LRP1B: variants seen among roughly 807,000 people sequenced by gnomAD.
LRP1B encodes LDL receptor related protein 1B.
A neutral mutation model predicts 556.6 loss-of-function variants in LRP1B; 217 were observed. That is an observed-to-expected ratio of 0.39 (90% CI 0.35 to 0.44). The LOEUF (loss-of-function observed/expected upper bound fraction) is 0.44. LRP1B is among the 20% of genes least tolerant of loss of function. The pLI is 1.00. For synonymous variants in LRP1B, 2,047 were observed against 1,865.8 expected, an observed-to-expected ratio of 1.10 and a Z score of -2.50; for missense variants, 5,053 against 5,620.8, an observed-to-expected ratio of 0.90 and a Z score of 3.23.
intron 2 of LRP1B, among the ~76,000 whole-genome samples, chr2:141,492,853 G>C (rs1326022414): frequency 6.6e-6 from 1 of 152,114 alleles, no homozygotes; most frequent in Non-Finnish European, 1.5e-5. Flanking sequence ...CAGACCCAAA[G>C]TGAATGTTGT....
intron 2 of LRP1B, among the ~76,000 whole-genome samples, chr2:141,804,643 G>T (rs373445670): frequency 6.6e-6 from 1 of 151,988 alleles, no homozygotes; most frequent in South Asian, 2.1e-4. Flanking sequence ...CCGAGAGGGG[G>T]CAGTTAGATT....
In LRP1B at chr2:141,107,813, G is replaced by T. The variant is rs1700644027; in HGVS notation, c.1014-45540C>A. 2.0e-5 allele frequency among the ~76,000 whole-genome samples: 3 copies of T among 152,040 alleles called. No individual in the cohort carries two copies. In the South Asian group the frequency reaches 6.2e-4, roughly 31 times the overall value. On this transcript the variant is annotated intron_variant, in intron 7 of 90. Coordinates refer to ENST00000389484, the MANE Select transcript of LRP1B (RefSeq NM_018557.3). ...TCTGCTTGTGGCTGTAACTGATTATGATATGATCACAGTTTTATTTAACAA... is the reference window on the plus strand; with the variant it reads ...TCTGCTTGTGGCTGTAACTGATTATTATATGATCACAGTTTTATTTAACAA...
intron 2 of LRP1B, among the ~76,000 whole-genome samples, chr2:141,483,688 C>T (rs112956671): frequency 1.8e-3 from 276 of 151,896 alleles, no homozygotes; most frequent in African/African-American, 5.9e-3. Context: ...CATTGTGGTT[C>T]TGATTTGCAT....
chr2:140,742,117 T>C (rs1442787016), intron 35 of LRP1B, among the ~76,000 whole-genome samples: 1 of 152,230 alleles, frequency 6.6e-6, no homozygotes, highest in Non-Finnish European at 1.5e-5. Flanking sequence ...GAATGGAGCA[T>C]CTAAATCCAC....
chr2:141,695,892 T>C (rs1691719348), intron 2 of LRP1B, among the ~76,000 whole-genome samples: 1 of 151,996 alleles, frequency 6.6e-6, no homozygotes, highest in Non-Finnish European at 1.5e-5. Context: ...AAGCACAATA[T>C]CTTCCATTTT....
intron 35 of LRP1B, among the ~76,000 whole-genome samples, chr2:140,717,477 A>G (rs1347868212): frequency 6.6e-6 from 1 of 152,046 alleles, no homozygotes; most frequent in Non-Finnish European, 1.5e-5. Flanking sequence ...GAATTGTTCT[A>G]TGTGATCACA....
chr2:140,509,778 G>A (rs992739758), intron 52 of LRP1B, 150 bp downstream of exon 52: 25 of 1,017,154 alleles, frequency 2.5e-5, no homozygotes, highest in East Asian at 2.6e-5. Flanking sequence ...CTGTGATACC[G>A]TCATCCCACC....
chr2:142,063,692 T>G (rs987347209), intron 1 of LRP1B, among the ~76,000 whole-genome samples: 2 of 151,594 alleles, frequency 1.3e-5, no homozygotes, highest in Non-Finnish European at 3.0e-5. Flanking sequence ...AACTTAACTT[T>G]GAAGGAAACC....
rs182801472 is a variant in LRP1B, at chr2:141,380,815, G to A, written c.343+99581C>T. 4.4e-4 allele frequency among the ~76,000 whole-genome samples: 67 copies of A among 152,196 alleles called. 2 individuals are homozygous for A. The highest frequency in any genetic ancestry group is 4.4e-3 in the South Asian group (21 of 4,826). On this transcript the variant is annotated intron_variant, in intron 3 of 90. Coordinates refer to ENST00000389484, the MANE Select transcript of LRP1B (RefSeq NM_018557.3). Reference sequence around the variant, plus strand: ...GTTTCTCTTTCACATGTCTTGAGGCGTTAATGGGACTTGTCATACTTTAGT... The same window carrying A: ...GTTTCTCTTTCACATGTCTTGAGGCATTAATGGGACTTGTCATACTTTAGT...
At chr2:140,748,792 TTA>T (rs1276509747) in intron 35 of LRP1B, among the ~76,000 whole-genome samples, 2 of 48,640 alleles carry the variant, frequency 4.1e-5, no homozygotes, top group African/African-American at 6.7e-5. Context: ...ATAATATATA[TTA>T]TATACATATT....
chr2:141,728,056 C>T (rs867127727), intron 2 of LRP1B, among the ~76,000 whole-genome samples: 13 of 152,098 alleles, frequency 8.5e-5, no homozygotes, highest in Non-Finnish European at 1.2e-4. Flanking sequence ...GCCCGTATTT[C>T]AGAGAGTAGC....
rs189869566 is a variant in LRP1B, at chr2:140,634,197, A to G, written c.6800-32558T>C. 2.0e-5 allele frequency among the ~76,000 whole-genome samples: 3 copies of G among 152,284 alleles called. No homozygotes were observed. In the East Asian group the frequency reaches 5.8e-4, roughly 29 times the overall value. On this transcript the variant is annotated intron_variant, in intron 41 of 90. Coordinates refer to ENST00000389484, the MANE Select transcript of LRP1B (RefSeq NM_018557.3). Reference sequence around the variant, plus strand: ...CCACATTAACTGATAAAGGAAAAACATGATCATATCTTTAGATGCAGAGAA... The same window carrying G: ...CCACATTAACTGATAAAGGAAAAACGTGATCATATCTTTAGATGCAGAGAA...
intron 41 of LRP1B, among the ~76,000 whole-genome samples, chr2:140,690,338 A>T (rs1207890218): frequency 1.3e-5 from 2 of 149,754 alleles, no homozygotes; most frequent in Admixed American, 6.6e-5. Flanking sequence ...AGGGCATATC[A>T]CTCTTCCGGG....
intron 86 of LRP1B, among the ~76,000 whole-genome samples, chr2:140,253,460 A>G (rs1681544552): frequency 6.6e-6 from 1 of 152,106 alleles, no homozygotes; most frequent in Non-Finnish European, 1.5e-5. Context: ...GGAGAAACAT[A>G]AAAGAAGATA....
chr2:140,907,563 G>C (rs1361568589), intron 22 of LRP1B, among the ~76,000 whole-genome samples: 2 of 152,028 alleles, frequency 1.3e-5, no homozygotes, highest in East Asian at 3.9e-4. Context: ...TGTTCTGAGG[G>C]ATCAACAAAT....
chr2:142,107,360 T>C (rs1212740386), intron 1 of LRP1B, among the ~76,000 whole-genome samples: 2 of 152,258 alleles, frequency 1.3e-5, no homozygotes, highest in African/African-American at 4.8e-5. Context: ...GAGTTAGTTA[T>C]CACAGGAGTG....
chr2:141,364,089 C>T (rs79357990), intron 3 of LRP1B, among the ~76,000 whole-genome samples: 4,069 of 152,200 alleles, frequency 0.027, 183 homozygotes, highest in African/African-American at 0.093. Flanking sequence ...AGGGCAAGTA[C>T]TCTTCTGTAT....
intron 1 of LRP1B, among the ~76,000 whole-genome samples, chr2:141,954,719 C>T (rs531191130): frequency 1.3e-5 from 2 of 152,076 alleles, no homozygotes; most frequent in South Asian, 2.1e-4. Context: ...GTCTTTCTTC[C>T]CATCATTGCT....
At chr2:141,586,941 C>CAAACAA (rs1687161381) in intron 2 of LRP1B, among the ~76,000 whole-genome samples, 2 of 71,514 alleles carry the variant, frequency 2.8e-5, no homozygotes, top group Non-Finnish European at 5.3e-5. Flanking sequence ...GACTCCATCT[C>CAAACAA]AAAAAAAAAA....
Sources: allele counts gnomAD v4.1 joint callset (sites outside exome capture counted in the v4.1 genomes callset), GRCh38; gene constraint gnomAD v4.1.1; transcripts MANE v1.5; gene names NCBI Gene and HGNC (gene_info 2026-07-23, HGNC 2026-07-21).